The following MMP3 variants were observed in gnomAD, a reference collection of about 807,000 sequenced individuals.
MMP3 encodes matrix metallopeptidase 3.
MMP3 carries 46 observed loss-of-function variants against 47.3 expected under a neutral mutation model. That is an observed-to-expected ratio of 0.97 (90% CI 0.77 to 1.24). The LOEUF (loss-of-function observed/expected upper bound fraction) is 1.24. MMP3 is among the 50% of genes most tolerant of loss of function. MMP3 has a pLI of 0.00. For synonymous variants in MMP3, 216 were observed against 206.5 expected, an observed-to-expected ratio of 1.05 and a Z score of -0.39; for missense variants, 558 against 565.5, an observed-to-expected ratio of 0.99 and a Z score of 0.13.
rs988630939 is a variant in MMP3, at chr11:102,836,042, C to T, written c.*84G>A. 6.4e-5 allele frequency: 68 copies of T among 1,059,118 alleles called. No homozygotes were observed. Among genetic ancestry groups the T allele is most frequent in the Non-Finnish European group, 8.1e-5 (56 of 694,832 alleles). The allele number at this position is 1,059,118 out of a possible 1,614,324, so 65.6% of individuals were successfully genotyped here. A position where few individuals can be genotyped will look rare whatever the true frequency, so the allele number is the denominator to read the frequency against. On this transcript the variant is annotated 3_prime_UTR_variant, in exon 10 of 10. Transcript: ENST00000299855. This position sits in a 1 kb window ranked among gnomAD's most constrained non-coding sequence, Gnocchi z 4.6. ...GAGTCACAGCACAGGCAGGAGAAAA[C>T]GAACATTTCAATTCACAGAGACTTA...
Position 102,842,340 on chromosome 11 carries a change from A to G in MMP3, c.500-61T>C, listed in dbSNP as rs144628042. ...CAAGGATCCCTTTTGAGCCTTTTCC[A>G]GTACAACAACACCAGATAGATGAAT... On this transcript the variant is annotated intron_variant, in intron 3 of 9. Coordinates refer to ENST00000299855, the MANE Select transcript of MMP3 (RefSeq NM_002422.5). The G allele has an allele frequency of 1.3e-5, 21 of 1,569,600 alleles. No homozygotes were observed. The Admixed American group carries it at 2.6e-4, about 20-fold the overall frequency.
At chr11:102,840,080 G>A (rs1162718239) in intron 6 of MMP3, 28 bp downstream of exon 6, 3 of 1,591,774 alleles carry the variant, frequency 1.9e-6, no homozygotes, top group East Asian at 2.2e-5. Flanking sequence ...GATTAAAATG[G>A]TAGGAAAATA....
At chr11:102,842,391 T>A in intron 3 of MMP3, 40 bp downstream of exon 3, 1 of 1,069,810 alleles carries the variant, frequency 9.3e-7, no homozygotes, top group Non-Finnish European at 1.2e-6. Flanking sequence ...GTTTTTTGTT[T>A]TGTTTTGTTT....
At position 102,842,826 on chromosome 11, in the gene MMP3, C is replaced by G; in HGVS notation, c.196G>C (p.Glu66Gln). The G allele has an allele frequency of 1.2e-6, 2 of 1,613,894 alleles. No individual in the cohort carries two copies. The highest frequency in any genetic ancestry group is 1.7e-6 in the Non-Finnish European group (2 of 1,179,944). The change falls in exon 2 of 10, where the codon GAA (glutamate) becomes CAA (glutamine). Residue 66 changes from glutamate to glutamine, a missense_variant. Transcript: ENST00000299855. ...TCCAATCCAAGGAACTTCTGCATTT[C>G]TCGGATTTTTTTAACAACAGGACCA... ...DSGPVVKKIR[E>Q]MQKFLGLEVT...
At position 102,837,407 on chromosome 11, in the gene MMP3, C is replaced by T. The variant is rs1311164335; in HGVS notation, c.1230-6G>A. ...AATTTCTCTTCTCATCAAATCTGTA[C>T]CAAGTAAAAGAAACAGCTCAGCATT... On this transcript the variant is annotated splice_region_variant and splice_polypyrimidine_tract_variant and intron_variant, in intron 8 of 9. Coordinates refer to ENST00000299855, the MANE Select transcript of MMP3 (RefSeq NM_002422.5). This position sits in a 1 kb window ranked among gnomAD's most constrained non-coding sequence, Gnocchi z 4.4. 6.2e-7 allele frequency: 1 copy of T among 1,609,686 alleles called. No homozygotes were observed. The highest frequency in any genetic ancestry group is 8.5e-7 in the Non-Finnish European group (1 of 1,176,300).
chr11:102,837,300 A>C lies in MMP3; in HGVS notation c.1331T>G (p.Phe444Cys). The C allele has an allele frequency of 6.2e-7, 1 of 1,612,256 alleles. No homozygotes were observed. Among genetic ancestry groups the C allele is most frequent in the South Asian group, 1.1e-5 (1 of 91,006 alleles). ...CAACACAGTAAGTATCCTCTTACCA[A>C]ATTCTTCAAAAACAGCATCAATCTT... ...DSKIDAVFEE[F>C]GFFYFFTGSS... Residue 444 changes from phenylalanine (F) to cysteine (C), a missense_variant and splice_region_variant, in exon 9 of 10, where the codon TTT becomes TGT. By Grantham distance (205) the Phe-to-Cys change is radical. Transcript: ENST00000299855. The surrounding 1 kb of genome is among the most constrained non-coding windows in gnomAD (Gnocchi z 4.4).
At position 102,842,404 on chromosome 11, in the gene MMP3, CTTTTTTTTTTTTTT is replaced by C; in HGVS notation, c.499+13_499+26del. 3.7e-6 allele frequency: 3 copies of C among 810,714 alleles called. No individual in the cohort carries two copies. Among genetic ancestry groups the C allele is most frequent in the South Asian group, 2.8e-5 (1 of 36,074 alleles). 50.2% of individuals were successfully genotyped at this position (810,714 alleles called of 1,614,324 possible). A position where few individuals can be genotyped will look rare whatever the true frequency, so the allele number is the denominator to read the frequency against. ...GTGTTTTTTGTTTTGTTTTGTTTTG[CTTTTTTTTTTTTTT>C]TTTTTTTTTTACCTCTAACTGCAAA... On this transcript the variant is annotated intron_variant, in intron 3 of 9. Transcript: ENST00000299855.
rs1858977002 is a variant in MMP3, at chr11:102,840,527, T to C, written c.692A>G (p.Asn231Ser). 1.2e-6 allele frequency: 2 copies of C among 1,614,086 alleles called. No homozygotes were observed. The highest frequency in any genetic ancestry group is 1.7e-6 in the Non-Finnish European group (2 of 1,179,986). ...GHSLGLFHSA[N>S]TEALMYPLYH... ...GAGTGGGTACATCAAAGCTTCAGTG[T>C]TGGCTGAGTGAAAGAGACCCAGGGA... is the stretch of plus-strand genomic sequence containing the variant. Residue 231 changes from asparagine (N) to serine (S), a missense_variant, in exon 5 of 10, where the codon AAC (asparagine) becomes AGC (serine). Asn to Ser is a conservative substitution (Grantham distance 46, BLOSUM62 1). Transcript: ENST00000299855.
intron 7 of MMP3, 119 bp downstream of exon 7, chr11:102,838,991 T>C: frequency 3.7e-6 from 4 of 1,082,270 alleles, no homozygotes; most frequent in Non-Finnish European, 5.4e-6. Flanking sequence ...GGTTATTTCT[T>C]CATTACCGTT....
At chr11:102,838,733 A>G (rs113433478) in intron 7 of MMP3, 23 bp from the exon 8 acceptor site, 11 of 1,573,188 alleles carry the variant, frequency 7.0e-6, no homozygotes, top group African/African-American at 1.7e-5. Context: ...AATAATTCAG[A>G]GTCATATTGA....
chr11:102,843,287 A>G (rs782125417), intron 1 of MMP3, among the ~76,000 whole-genome samples, 155 bp downstream of exon 1: 14 of 152,180 alleles, frequency 9.2e-5, no homozygotes, highest in Non-Finnish European at 1.0e-4. Context: ...TGTGATAATG[A>G]GACCTTTTCC....
At position 102,837,271 on chromosome 11, in the gene MMP3, T is replaced by A. The variant is rs782271149; in HGVS notation, c.1333+27A>T. 3.2e-6 allele frequency: 5 copies of A among 1,544,526 alleles called. No homozygotes were observed. In the African/African-American group the frequency reaches 6.8e-5, roughly 21 times the overall value. ...ATCATAAAATGTTTCAAGTGCTCTA[T>A]GGCCAACACAGTAAGTATCCTCTTA... On this transcript the variant is annotated intron_variant, in intron 9 of 9. Coordinates refer to ENST00000299855, the MANE Select transcript of MMP3 (RefSeq NM_002422.5). This position sits in a 1 kb window ranked among gnomAD's most constrained non-coding sequence, Gnocchi z 4.4.
In MMP3 at chr11:102,843,532, T is replaced by A; in HGVS notation, c.15A>T (p.Pro5=). 6.2e-7 allele frequency: 1 copy of A among 1,613,214 alleles called. No individual in the cohort carries two copies. MKSL[P]ILLLLCVAVC... ...CTGCCACGCACAGCAACAGTAGGAT[T>A]GGAAGACTCTTCATTTCCACTGGCT... Residue 5 remains proline, a synonymous_variant, in exon 1 of 10, where the codon CCA becomes CCT. Transcript: ENST00000299855.
chr11:102,839,959 GA>G, intron 6 of MMP3, 148 bp downstream of exon 6: 5 of 845,740 alleles, frequency 5.9e-6, no homozygotes, highest in Non-Finnish European at 5.1e-6. Context: ...GAAAATGTGG[GA>G]AAAGGCAGCA....
Position 102,842,404 on chromosome 11 carries a change from C to CTTTTTTTTTTTTTTTT in MMP3, c.499+11_499+26dup, listed in dbSNP as rs11418340. Reference sequence around the variant, plus strand: ...GTGTTTTTTGTTTTGTTTTGTTTTGCTTTTTTTTTTTTTTTTTTTTTTTTA... The same window carrying CTTTTTTTTTTTTTTTT: ...GTGTTTTTTGTTTTGTTTTGTTTTGCTTTTTTTTTTTTTTTTTTTTTTTTTTTTTTTTTTTTTTTTA... On this transcript the variant is annotated intron_variant, in intron 3 of 9. Transcript: ENST00000299855. 70 of 813,334 alleles carry CTTTTTTTTTTTTTTTT rather than the reference C, an allele frequency of 8.6e-5. 1 individual carries two copies. Among genetic ancestry groups the CTTTTTTTTTTTTTTTT allele is most frequent in the Middle Eastern group, 4.6e-4 (1 of 2,164 alleles). The allele number at this position is 813,334 out of a possible 1,614,324, so 50.4% of individuals were successfully genotyped here. A position where few individuals can be genotyped will look rare whatever the true frequency, so the allele number is the denominator to read the frequency against.
In MMP3 at chr11:102,837,284, A is replaced by T. The variant is rs782012534; in HGVS notation, c.1333+14T>A. The T allele has an allele frequency of 3.8e-6, 6 of 1,592,908 alleles. No individual in the cohort carries two copies. The highest frequency in any genetic ancestry group is 4.3e-6 in the Non-Finnish European group (5 of 1,160,836). On this transcript the variant is annotated intron_variant, in intron 9 of 9. Coordinates refer to ENST00000299855, the MANE Select transcript of MMP3 (RefSeq NM_002422.5). The surrounding 1 kb of genome is among the most constrained non-coding windows in gnomAD (Gnocchi z 4.4). ...TCAAGTGCTCTATGGCCAACACAGT[A>T]AGTATCCTCTTACCAAATTCTTCAA...
At chr11:102,840,931 T>C (rs1460436038) in intron 4 of MMP3, among the ~76,000 whole-genome samples, 1 of 152,130 alleles carries the variant, frequency 6.6e-6, no homozygotes, top group Non-Finnish European at 1.5e-5. Flanking sequence ...CCCACTTGCT[T>C]AGCATATCAG....
At chr11:102,838,524 T>A (rs375420044) in intron 8 of MMP3, 27 bp downstream of exon 8, 1 of 1,605,388 alleles carries the variant, frequency 6.2e-7, no homozygotes, top group African/African-American at 1.3e-5. Context: ...TTAGGCTCCA[T>A]ACAAAGTCAT....
Position 102,837,540 on chromosome 11 carries a change from A to G in MMP3, c.1230-139T>C. ...AAATGCCAAGCATATTTGGGACTAT[A>G]GAAATATGTGACTTTAATGGTACTG... On this transcript the variant is annotated intron_variant, in intron 8 of 9. Coordinates refer to ENST00000299855, the MANE Select transcript of MMP3 (RefSeq NM_002422.5). The surrounding 1 kb of genome is among the most constrained non-coding windows in gnomAD (Gnocchi z 4.4). 1.5e-6 allele frequency: 1 copy of G among 652,660 alleles called. No homozygotes were observed. Among genetic ancestry groups the G allele is most frequent in the Admixed American group, 2.9e-5 (1 of 34,684 alleles). 40.4% of individuals were successfully genotyped at this position (652,660 alleles called of 1,614,324 possible). A position where few individuals can be genotyped will look rare whatever the true frequency, so the allele number is the denominator to read the frequency against.
Sources: gnomAD v4.1 joint callset for allele counts (sites outside exome capture counted in the v4.1 genomes callset) on GRCh38, gnomAD v4.1.1 for gene constraint, Gnocchi (gnomAD v3.1) non-coding constraint, MANE v1.5 for transcripts, NCBI Gene and HGNC (gene_info 2026-07-23, HGNC 2026-07-21) for gene names.